Variants in TBC1D19 observed in about 807,000 individuals in gnomAD.
TBC1D19 encodes TBC1 domain family, member 19.
A neutral mutation model predicts 89.0 loss-of-function variants in TBC1D19; 60 were observed. The ratio of observed to expected loss-of-function variants is 0.67; its 90% CI spans 0.55 to 0.84. The LOEUF (loss-of-function observed/expected upper bound fraction) is 0.84, where lower values mean the gene tolerates loss of function less well. Ranked by LOEUF, TBC1D19 falls within the 40% of genes least tolerant of loss-of-function variation. The pLI, the probability that TBC1D19 is intolerant of heterozygous loss-of-function variation, is 0.00. For missense variants in TBC1D19, 500 were observed against 610.8 expected, an observed-to-expected ratio of 0.82 and a Z score of 1.91; for synonymous variants, 189 against 199.7, an observed-to-expected ratio of 0.95 and a Z score of 0.45.
At chr4:26,744,337 A>G (rs1197125282) in intron 18 of TBC1D19, among the ~76,000 whole-genome samples, 1 of 151,328 alleles carries the variant, frequency 6.6e-6, no homozygotes, top group Non-Finnish European at 1.5e-5. Context: ...TTTTTGTACC[A>G]TTGATTCTTT....
chr4:26,718,585 A>G (rs761205535), intron 14 of TBC1D19, among the ~76,000 whole-genome samples: 2 of 152,052 alleles, frequency 1.3e-5, no homozygotes, highest in African/African-American at 2.4e-5. Flanking sequence ...CTCAGACTTC[A>G]TTGTGTATGG....
intron 13 of TBC1D19, among the ~76,000 whole-genome samples, chr4:26,716,582 T>G (rs1013058267): frequency 1.3e-5 from 2 of 152,124 alleles, no homozygotes; most frequent in Non-Finnish European, 2.9e-5. Flanking sequence ...TTAAATAAAT[T>G]ATTGTTCTTT....
intron 8 of TBC1D19, among the ~76,000 whole-genome samples, chr4:26,660,116 A>G (rs1745132058): frequency 6.6e-6 from 1 of 152,204 alleles, no homozygotes; most frequent in Admixed American, 6.5e-5. Flanking sequence ...AGGGAGATGG[A>G]GAACATAAGA....
chr4:26,650,110 C>A (rs373206454), intron 7 of TBC1D19, among the ~76,000 whole-genome samples: 4 of 152,022 alleles, frequency 2.6e-5, no homozygotes, highest in East Asian at 3.8e-4. Flanking sequence ...TCCAGACTAC[C>A]ATTGTTGGAC....
At chr4:26,684,628 G>A (rs529207022) in intron 12 of TBC1D19, among the ~76,000 whole-genome samples, 3 of 152,134 alleles carry the variant, frequency 2.0e-5, no homozygotes, top group African/African-American at 7.2e-5. Context: ...TGTAATATAG[G>A]ATATGAATAA....
chr4:26,820,846 C>G, the TBC1D19 span, among the ~76,000 whole-genome samples: 1 of 152,164 alleles, frequency 6.6e-6, no homozygotes, highest in Non-Finnish European at 1.5e-5. Context: ...ATGTTTAACT[C>G]ATTTGGTGAT....
chr4:26,651,060 G>A (rs2109043962), intron 7 of TBC1D19, among the ~76,000 whole-genome samples: 1 of 152,254 alleles, frequency 6.6e-6, no homozygotes, highest in South Asian at 2.1e-4. Flanking sequence ...GCTCTGTTCT[G>A]TTCCATTGGT....
At chr4:26,811,060 G>A in the TBC1D19 span, among the ~76,000 whole-genome samples, 2 of 152,178 alleles carry the variant, frequency 1.3e-5, no homozygotes, top group East Asian at 1.9e-4. Flanking sequence ...GCACACATAC[G>A]TTTATTGCAG....
At chr4:26,599,603 A>G (rs1009552789) in intron 1 of TBC1D19, among the ~76,000 whole-genome samples, 1 of 152,140 alleles carries the variant, frequency 6.6e-6, no homozygotes, top group Non-Finnish European at 1.5e-5. Context: ...GAAAAGGGCT[A>G]TGTTTTTCGT....
At chr4:26,760,675 A>T (rs1239171899), downstream of TBC1D19, among the ~76,000 whole-genome samples, 2 of 152,194 alleles carry the variant, frequency 1.3e-5, no homozygotes, top group Non-Finnish European at 2.9e-5. Context: ...CTTAACTATG[A>T]GATAGTTAAT....
At chr4:26,623,240 T>C (rs1472392328) in intron 4 of TBC1D19, among the ~76,000 whole-genome samples, 1 of 152,334 alleles carries the variant, frequency 6.6e-6, no homozygotes, top group East Asian at 1.9e-4. Context: ...TTTTACTGTT[T>C]ACTTTCTCTC....
At chr4:26,620,534 A>G in intron 3 of TBC1D19, 79 bp from the exon 4 acceptor site, 1 of 1,166,096 alleles carries the variant, frequency 8.6e-7, no homozygotes, top group Non-Finnish European at 1.2e-6. Flanking sequence ...AAAACAGTTT[A>G]TAACATGGAC....
intron 15 of TBC1D19, among the ~76,000 whole-genome samples, chr4:26,724,675 C>G (rs182671897): frequency 3.3e-5 from 5 of 152,304 alleles, no homozygotes; most frequent in Admixed American, 3.3e-4. Flanking sequence ...TATTGGGGCA[C>G]TCCTTCAAGG....
At chr4:26,696,093 T>G (rs1168743670) in intron 13 of TBC1D19, among the ~76,000 whole-genome samples, 1 of 152,172 alleles carries the variant, frequency 6.6e-6, no homozygotes, top group Non-Finnish European at 1.5e-5. Flanking sequence ...GACCCATCAG[T>G]GTGCTGTATT....
chr4:26,657,223 T>A (rs1744913474), intron 7 of TBC1D19, among the ~76,000 whole-genome samples: 2 of 151,990 alleles, frequency 1.3e-5, no homozygotes, highest in Admixed American at 1.3e-4. Context: ...CTCCTAATGC[T>A]GTCCCTCCCC....
intron 7 of TBC1D19, among the ~76,000 whole-genome samples, chr4:26,644,417 G>C (rs1174555603): frequency 6.6e-6 from 1 of 152,068 alleles, no homozygotes; most frequent in Non-Finnish European, 1.5e-5. Context: ...TTGATGGAAC[G>C]TATCTCAAAA....
At chr4:26,622,732 G>A (rs530159625) in intron 4 of TBC1D19, among the ~76,000 whole-genome samples, 95 of 152,262 alleles carry the variant, frequency 6.2e-4, no homozygotes, top group Non-Finnish European at 1.0e-3. Flanking sequence ...AAATAGTCAC[G>A]TTCATTCATT....
intron 4 of TBC1D19, among the ~76,000 whole-genome samples, chr4:26,636,386 A>G (rs1743124527): frequency 6.6e-6 from 1 of 151,836 alleles, no homozygotes; most frequent in Non-Finnish European, 1.5e-5. Flanking sequence ...AGAAGAGATA[A>G]TGAAGAAGGT....
chr4:26,807,127 T>C, the TBC1D19 span, among the ~76,000 whole-genome samples: 2 of 152,186 alleles, frequency 1.3e-5, no homozygotes, highest in Non-Finnish European at 2.9e-5. Context: ...TCCTTTCCCC[T>C]GTAGCATCAC....
Sources: gnomAD v4.1 joint callset for allele counts (sites outside exome capture counted in the v4.1 genomes callset) on GRCh38, gnomAD v4.1.1 for gene constraint, MANE v1.5 for transcripts, NCBI Gene and HGNC (gene_info 2026-07-23, HGNC 2026-07-21) for gene names.